THEMIS: variants seen among roughly 807,000 people sequenced by gnomAD.
THEMIS encodes thymocyte selection associated, also known as protein THEMIS.
THEMIS carries 37 observed loss-of-function variants against 52.6 expected under a neutral mutation model. That is an observed-to-expected ratio of 0.70 (90% CI 0.54 to 0.93). The LOEUF (loss-of-function observed/expected upper bound fraction) is 0.93. THEMIS is among the 40% of genes least tolerant of loss of function. THEMIS has a pLI of 0.00. For missense variants in THEMIS, 808 were observed against 763.1 expected, an observed-to-expected ratio of 1.06 and a Z score of -0.69; for synonymous variants, 292 against 272.7, an observed-to-expected ratio of 1.07 and a Z score of -0.70.
intron 3 of THEMIS, among the ~76,000 whole-genome samples, chr6:127,826,538 G>A (rs1279541300): frequency 1.3e-5 from 2 of 152,054 alleles, no homozygotes; most frequent in Non-Finnish European, 2.9e-5. Flanking sequence ...TTTCAAAAAA[G>A]AAAGAGAGTT....
intron 4 of THEMIS, among the ~76,000 whole-genome samples, chr6:127,772,328 G>A (rs1174880460): frequency 6.6e-6 from 1 of 151,620 alleles, no homozygotes; most frequent in Non-Finnish European, 1.5e-5. Flanking sequence ...TTTTGCCCCT[G>A]GTGAATTAAA....
At chr6:127,779,937 C>G (rs116778437) in intron 4 of THEMIS, among the ~76,000 whole-genome samples, 3,429 of 152,076 alleles carry the variant, frequency 0.023, 144 homozygotes, top group African/African-American at 0.079. Context: ...AAAAATTTAT[C>G]TCCCCTGCAT....
At chr6:127,893,586 G>T (rs779673587) in intron 1 of THEMIS, among the ~76,000 whole-genome samples, 2 of 152,070 alleles carry the variant, frequency 1.3e-5, no homozygotes, top group Non-Finnish European at 2.9e-5. Context: ...GCTTCACATC[G>T]ATACGGCTCC....
chr6:127,897,653 G>A (rs912159831), intron 1 of THEMIS, among the ~76,000 whole-genome samples: 1 of 151,524 alleles, frequency 6.6e-6, no homozygotes, highest in Non-Finnish European at 1.5e-5. Context: ...GTGTTACTAA[G>A]CATATGAGTT....
intron 3 of THEMIS, among the ~76,000 whole-genome samples, chr6:127,826,242 G>T (rs1216420055): frequency 2.0e-5 from 3 of 152,122 alleles, no homozygotes; most frequent in Non-Finnish European, 2.9e-5. Flanking sequence ...AAGGTTTGCT[G>T]ATAACATTGT....
At chr6:127,862,068 C>T (rs1779821519) in intron 1 of THEMIS, among the ~76,000 whole-genome samples, 1 of 152,138 alleles carries the variant, frequency 6.6e-6, no homozygotes, top group Admixed American at 6.5e-5. Context: ...CATATGATCA[C>T]AGTCAAGGCA....
intron 4 of THEMIS, among the ~76,000 whole-genome samples, chr6:127,767,184 C>T (rs932117414): frequency 1.3e-5 from 2 of 151,892 alleles, no homozygotes; most frequent in African/African-American, 2.4e-5. Flanking sequence ...CTCCACCTCC[C>T]GGGTTCAAGT....
intron 1 of THEMIS, among the ~76,000 whole-genome samples, chr6:127,859,110 G>A (rs967216456): frequency 9.2e-5 from 14 of 151,976 alleles, no homozygotes; most frequent in Non-Finnish European, 1.9e-4. Context: ...CAGCAAATAG[G>A]AAACTGCATT....
intron 4 of THEMIS, among the ~76,000 whole-genome samples, chr6:127,796,666 ATGAC>A (rs1364177280): frequency 2.6e-5 from 4 of 152,350 alleles, no homozygotes; most frequent in African/African-American, 9.6e-5. Flanking sequence ...CATTCAAAGA[ATGAC>A]TGGAGATAAT....
intron 4 of THEMIS, among the ~76,000 whole-genome samples, chr6:127,785,421 A>C (rs913303079): frequency 6.6e-6 from 1 of 151,988 alleles, no homozygotes; most frequent in Non-Finnish European, 1.5e-5. Context: ...CATATGTAAC[A>C]AACCTGCACG....
intron 1 of THEMIS, among the ~76,000 whole-genome samples, chr6:127,915,293 A>G (rs1016080827): frequency 6.6e-6 from 1 of 152,208 alleles, no homozygotes; most frequent in African/African-American, 2.4e-5. Context: ...GCTAAAGAAC[A>G]TACATATAAT....
chr6:127,736,096 G>C (rs1396996345), intron 4 of THEMIS, among the ~76,000 whole-genome samples: 1 of 152,224 alleles, frequency 6.6e-6, no homozygotes, highest in Non-Finnish European at 1.5e-5. Context: ...GTGAAAGAGA[G>C]AAGGATGTTT....
chr6:127,761,189 C>T (rs1009330748), intron 4 of THEMIS, among the ~76,000 whole-genome samples: 1 of 151,626 alleles, frequency 6.6e-6, no homozygotes, highest in African/African-American at 2.4e-5. Flanking sequence ...TGGTTATTAC[C>T]AAAAAATCAA....
chr6:127,841,785 C>T (rs1287007691), intron 2 of THEMIS, among the ~76,000 whole-genome samples: 1 of 151,868 alleles, frequency 6.6e-6, no homozygotes, highest in Non-Finnish European at 1.5e-5. Context: ...CTTTTGCATG[C>T]TGATTAATTC....
chr6:127,885,451 T>A (rs1349631745), intron 1 of THEMIS, among the ~76,000 whole-genome samples: 3 of 152,116 alleles, frequency 2.0e-5, no homozygotes, highest in Admixed American at 1.3e-4. Context: ...ACCTTTCACA[T>A]TGTATTATAA....
intron 4 of THEMIS, among the ~76,000 whole-genome samples, chr6:127,763,264 G>T (rs1254292009): frequency 6.6e-6 from 1 of 151,936 alleles, no homozygotes; most frequent in Non-Finnish European, 1.5e-5. Context: ...AAATAGTCTT[G>T]ATCCTCACTA....
intron 2 of THEMIS, among the ~76,000 whole-genome samples, chr6:127,835,948 G>T (rs1389677741): frequency 6.6e-6 from 1 of 151,990 alleles, no homozygotes; most frequent in Non-Finnish European, 1.5e-5. Flanking sequence ...CAGATTAGAG[G>T]GAGAATAAAA....
At chr6:127,770,741 T>G (rs1776356574) in intron 4 of THEMIS, among the ~76,000 whole-genome samples, 1 of 152,202 alleles carries the variant, frequency 6.6e-6, no homozygotes, top group African/African-American at 2.4e-5. Context: ...TCTATGGTTT[T>G]TGTGGTTTTA....
chr6:127,752,230 C>G (rs1157830948), intron 4 of THEMIS, among the ~76,000 whole-genome samples: 1 of 151,150 alleles, frequency 6.6e-6, no homozygotes, highest in African/African-American at 2.4e-5. Context: ...GCATATACAA[C>G]CTAAATTTAC....
Sources: allele counts gnomAD v4.1 joint callset (sites outside exome capture counted in the v4.1 genomes callset), GRCh38; gene constraint gnomAD v4.1.1; transcripts MANE v1.5; gene names NCBI Gene and HGNC (gene_info 2026-07-23, HGNC 2026-07-21).